KLF8: variants seen among roughly 807,000 people sequenced by gnomAD.
KLF8 encodes the protein Krueppel-like factor 8.
KLF8 carries 10 observed loss-of-function variants against 18.2 expected under a neutral mutation model. The ratio of observed to expected loss-of-function variants is 0.55; its 90% CI spans 0.34 to 0.93. The LOEUF (loss-of-function observed/expected upper bound fraction) is 0.93. Among genes scored for constraint, KLF8 ranks in the 40% least tolerant of loss-of-function variants. The pLI is 0.02. For synonymous variants in KLF8, 109 were observed against 97.3 expected (o/e 1.12, Z -0.71); for missense variants, 264 against 277.9 (o/e 0.95, Z 0.36).
the KLF8 span, among the ~76,000 whole-genome samples, chrX:56,207,592 G>A: frequency 9.0e-6 from 1 of 111,377 alleles, no homozygotes; most frequent in Non-Finnish European, 1.9e-5. Context: ...CTTTGCTCTA[G>A]TTCTCATATC....
At chrX:56,271,551 T>G (rs968863151) in intron 5 of KLF8, among the ~76,000 whole-genome samples, 1 of 111,571 alleles carries the variant, frequency 9.0e-6, no homozygotes, top group Non-Finnish European at 1.9e-5. Flanking sequence ...TTACCTTTGC[T>G]GTGTTAGAAT....
the KLF8 span, among the ~76,000 whole-genome samples, chrX:56,049,676 T>A: frequency 9.5e-6 from 1 of 105,819 alleles, no homozygotes; most frequent in African/African-American, 3.5e-5. Flanking sequence ...TGCCAGTATT[T>A]TATTGAGGAT....
At chrX:56,217,715 G>A in the KLF8 span, among the ~76,000 whole-genome samples, 32 of 111,771 alleles carry the variant, frequency 2.9e-4, no homozygotes, top group Non-Finnish European at 5.8e-4. Flanking sequence ...CACCGCACCC[G>A]GCTGTCAATT....
the KLF8 span, among the ~76,000 whole-genome samples, chrX:56,186,967 T>A: frequency 9.0e-6 from 1 of 111,232 alleles, no homozygotes; most frequent in Non-Finnish European, 1.9e-5. Context: ...TTAAAAGAAC[T>A]AGAGAAGCAA....
At chrX:55,960,602 A>AG in the KLF8 span, among the ~76,000 whole-genome samples, 3 of 30,355 alleles carry the variant, frequency 9.9e-5, no homozygotes, top group East Asian at 0.12. Context: ...AAGGAGAAGG[A>AG]GAAAAAAAGA....
chrX:56,037,759 C>G, the KLF8 span, among the ~76,000 whole-genome samples: 2 of 110,248 alleles, frequency 1.8e-5, no homozygotes, highest in Non-Finnish European at 3.8e-5. Flanking sequence ...GTGAAATAAA[C>G]ACATCAAGGA....
intron 3 of KLF8, chrX:56,266,658 G>A (rs972525714): frequency 1.5e-5 from 11 of 751,153 alleles, no homozygotes; most frequent in Middle Eastern, 7.5e-4. Context: ...TCCTCCCAGA[G>A]GTATATCTGT....
the KLF8 span, among the ~76,000 whole-genome samples, chrX:55,985,038 A>G: frequency 2.7e-5 from 3 of 110,061 alleles, no homozygotes; most frequent in Non-Finnish European, 5.7e-5. Context: ...TTTGTCAGAT[A>G]AATAGATTGC....
the KLF8 span, among the ~76,000 whole-genome samples, chrX:56,111,710 G>A: frequency 3.6e-5 from 4 of 112,058 alleles, no homozygotes; most frequent in Non-Finnish European, 7.5e-5. Context: ...CATTTATGCA[G>A]CCAACAAACA....
intron 5 of KLF8, among the ~76,000 whole-genome samples, chrX:56,280,036 A>G (rs887735119): frequency 2.7e-5 from 3 of 111,512 alleles, no homozygotes; most frequent in Admixed American, 9.5e-5. Context: ...AGAGAGCCAT[A>G]AGACTCTTTG....
At chrX:56,060,618 G>T in the KLF8 span, among the ~76,000 whole-genome samples, 12 of 111,913 alleles carry the variant, frequency 1.1e-4, no homozygotes, top group Non-Finnish European at 1.9e-4. Context: ...TTACATCGAT[G>T]TTCATCAGGG....
chrX:56,029,832 T>C, the KLF8 span, among the ~76,000 whole-genome samples: 1 of 111,858 alleles, frequency 8.9e-6, no homozygotes, highest in Non-Finnish European at 1.9e-5. Flanking sequence ...GGGATTCCCC[T>C]AATTGCCACA....
the KLF8 span, among the ~76,000 whole-genome samples, chrX:56,039,708 T>C: frequency 8.9e-6 from 1 of 111,806 alleles, no homozygotes; most frequent in Non-Finnish European, 1.9e-5. Flanking sequence ...TCTTGTCTAT[T>C]TGGGCTCTTT....
chrX:56,006,880 G>A, the KLF8 span, among the ~76,000 whole-genome samples: 10 of 112,081 alleles, frequency 8.9e-5, no homozygotes, highest in Admixed American at 2.8e-4. Context: ...CAACAGGCAG[G>A]CTGGGTCGTT....
chrX:56,267,150 A>T (rs1386467491), intron 3 of KLF8: 2 of 752,655 alleles, frequency 2.7e-6, no homozygotes, highest in Non-Finnish European at 3.1e-6. Flanking sequence ...AGTCCATCAG[A>T]GCCACTCTAA....
chrX:56,014,232 T>C, the KLF8 span, among the ~76,000 whole-genome samples: 1 of 111,853 alleles, frequency 8.9e-6, no homozygotes, highest in Non-Finnish European at 1.9e-5. Context: ...TTGCAACCTA[T>C]CCATCTGACA....
chrX:55,923,639 C>T, the KLF8 span, among the ~76,000 whole-genome samples: 3 of 110,249 alleles, frequency 2.7e-5, no homozygotes, highest in African/African-American at 1.0e-4. Flanking sequence ...TCACAGTTAC[C>T]GAGGGTTAAT....
the KLF8 span, among the ~76,000 whole-genome samples, chrX:56,119,956 C>T: frequency 1.3e-4 from 14 of 108,495 alleles, 1 homozygote; most frequent in South Asian, 5.2e-3. Flanking sequence ...TACTCCATTT[C>T]GGCCCTTTTA....
chrX:56,080,510 A>G, the KLF8 span, among the ~76,000 whole-genome samples: 1 of 111,659 alleles, frequency 9.0e-6, no homozygotes, highest in South Asian at 3.8e-4. Context: ...GTTTCTGCAG[A>G]GAGATCCACT....
Sources: allele counts gnomAD v4.1 joint callset (sites outside exome capture counted in the v4.1 genomes callset), GRCh38; gene constraint gnomAD v4.1.1; transcripts MANE v1.5; gene names NCBI Gene and HGNC (gene_info 2026-07-23, HGNC 2026-07-21).